RPH3AL: variants seen among roughly 807,000 people sequenced by gnomAD.
RPH3AL encodes the protein rab effector Noc2.
Under a neutral mutation model 43.1 loss-of-function variants are expected in RPH3AL, and 38 were observed. That is an observed-to-expected ratio of 0.88 (90% confidence interval 0.68 to 1.15). The LOEUF (loss-of-function observed/expected upper bound fraction) is 1.15. RPH3AL is among the 50% of genes most tolerant of loss of function. The probability of loss-of-function intolerance (pLI) is 0.00; values close to 1 mark genes in which losing one functional copy is unlikely to be tolerated. For missense variants in RPH3AL, 462 were observed against 423.2 expected, an observed-to-expected ratio of 1.09 and a Z score of -0.81; for synonymous variants, 189 against 176.3, an observed-to-expected ratio of 1.07 and a Z score of -0.57.
chr17:288,671 G>A (rs544425334), intron 5 of RPH3AL, among the ~76,000 whole-genome samples: 26 of 160 alleles, frequency 0.16, 11 homozygotes, highest in Admixed American at 0.7. Flanking sequence ...GTCAGACCTC[G>A]CACCCTCTCT....
At chr17:331,315 G>T in intron 2 of RPH3AL, 3 of 316,572 alleles carry the variant, frequency 9.5e-6, no homozygotes, top group Admixed American at 4.5e-5. Flanking sequence ...CAGAGATCAA[G>T]GGAGACGGAA....
chr17:220,152 C>G (rs1218027416), intron 7 of RPH3AL, among the ~76,000 whole-genome samples: 10 of 152,048 alleles, frequency 6.6e-5, no homozygotes, highest in South Asian at 4.2e-4. Flanking sequence ...AGCTCTGAGG[C>G]CTCCACTCAC....
chr17:268,963 CTG>C, intron 6 of RPH3AL, among the ~76,000 whole-genome samples: 1 of 152,288 alleles, frequency 6.6e-6, no homozygotes, highest in East Asian at 1.9e-4. Context: ...ACCGCAAGCT[CTG>C]CCTCCCGGGT....
intron 6 of RPH3AL, among the ~76,000 whole-genome samples, chr17:273,013 G>A (rs1228869690): frequency 9.0e-5 from 10 of 110,896 alleles, no homozygotes; most frequent in African/African-American, 2.5e-4. Context: ...CAGCGAGGGC[G>A]ACATCAGGAA....
intron 5 of RPH3AL, among the ~76,000 whole-genome samples, chr17:318,481 G>A (rs1391104596): frequency 6.6e-6 from 1 of 152,150 alleles, no homozygotes; most frequent in Non-Finnish European, 1.5e-5. Context: ...ATGGTGTCTT[G>A]AGATCAGTGT....
rs562689101 is a variant in RPH3AL, at chr17:260,051, C to T, written c.439-12766G>A. Among the ~76,000 whole-genome samples, 320 of 152,292 alleles carry T rather than the reference C, an allele frequency of 2.1e-3. 1 individual carries two copies. Among genetic ancestry groups the T allele is most frequent in the Non-Finnish European group, 3.3e-3 (227 of 68,014 alleles). On this transcript the variant is annotated intron_variant, in intron 6 of 9. Transcript: ENST00000331302. ...CATTGTCCACCCCTTCCATGTGTCACTCCCTCTCCCGTGCCACCCTGAGAG... is the reference window on the plus strand; with the variant it reads ...CATTGTCCACCCCTTCCATGTGTCATTCCCTCTCCCGTGCCACCCTGAGAG...
chr17:269,110 C>T (rs1293944350), intron 6 of RPH3AL, among the ~76,000 whole-genome samples: 2 of 152,136 alleles, frequency 1.3e-5, no homozygotes, highest in Non-Finnish European at 2.9e-5. Flanking sequence ...GATCTCCTGA[C>T]CTCATAATCC....
In RPH3AL at chr17:213,051, C is replaced by T. The variant is rs1173546426; in HGVS notation, c.*801G>A. The stretch of plus-strand genomic sequence containing the variant: ...GGCAGATCACTTGAGACCAGGAGTT[C>T]AAGACCAGCCTGGCCAACATGGAGA... On this transcript the variant is annotated 3_prime_UTR_variant, in exon 10 of 10. Transcript: ENST00000331302. 1 of 152,182 alleles carries T rather than the reference C, an allele frequency of 6.6e-6. No individual in the cohort carries two copies. Among genetic ancestry groups the T allele is most frequent in the Non-Finnish European group, 1.5e-5 (1 of 68,116 alleles). 9.4% of individuals were successfully genotyped at this position (152,182 alleles called of 1,614,324 possible).
At chr17:224,964 TG>T (rs1567563600) in intron 7 of RPH3AL, among the ~76,000 whole-genome samples, 3 of 36,450 alleles carry the variant, frequency 8.2e-5, no homozygotes, top group Non-Finnish European at 1.6e-4. Context: ...GGGCCTGTCA[TG>T]GGGTTGGGGG....
chr17:228,197 A>C (rs2041149019), intron 7 of RPH3AL, among the ~76,000 whole-genome samples: 1 of 152,124 alleles, frequency 6.6e-6, no homozygotes, highest in African/African-American at 2.4e-5. Flanking sequence ...ACTTTAGGCC[A>C]GTTTCCTATT....
At chr17:316,810 C>A (rs1363047199) in intron 5 of RPH3AL, among the ~76,000 whole-genome samples, 68 of 4,910 alleles carry the variant, frequency 0.014, no homozygotes, top group Admixed American at 0.022. Context: ...AGTCCCTGTG[C>A]CCCCACCTCC....
In RPH3AL at chr17:215,389, A is replaced by C. The variant is rs969106958; in HGVS notation, c.876+265T>G. 1.2e-4 allele frequency among the ~76,000 whole-genome samples: 18 copies of C among 152,160 alleles called. No homozygotes were observed. Among genetic ancestry groups the C allele is most frequent in the African/African-American group, 4.1e-4 (17 of 41,444 alleles). On this transcript the variant is annotated intron_variant, in intron 9 of 9. Coordinates refer to ENST00000331302, the MANE Select transcript of RPH3AL (RefSeq NM_006987.4). The surrounding 1 kb of genome is among the most constrained non-coding windows in gnomAD (Gnocchi z 4.1). Reference sequence around the variant, plus strand: ...AAAGTTCGCCCCAGGGGAGCCCGACACGTTTTATGTAGCAGAGGATGGTAA... The same window carrying C: ...AAAGTTCGCCCCAGGGGAGCCCGACCCGTTTTATGTAGCAGAGGATGGTAA...
intron 6 of RPH3AL, among the ~76,000 whole-genome samples, chr17:273,288 AGGGTGACGTCAGGGAGAGACCCCAGCG>A (rs1285119145): frequency 8.3e-5 from 8 of 96,500 alleles, no homozygotes; most frequent in Admixed American, 2.2e-4. Flanking sequence ...GACCCCAGCG[AGGGTGACGTCAGGGAGAGACCCCAGCG>A]AGGGTGATGT....
Position 215,655 on chromosome 17 carries a change from G to C in RPH3AL, c.875C>G (p.Pro292Arg). Reference sequence around the variant, plus strand: ...AGAAGGCAGCAGTTGGGTACTCACCGGGGCCCTTCGGGTCAGCCCGGGGCG... The same window carrying C: ...AGAAGGCAGCAGTTGGGTACTCACCCGGGCCCTTCGGGTCAGCCCGGGGCG... ...GPRPGLTRRA[P>R]VKDTPGRAPA... Residue 292 changes from proline to arginine, a missense_variant and splice_region_variant, in exon 9 of 10, where the codon CCG becomes CGG. Coordinates refer to ENST00000331302, the MANE Select transcript of RPH3AL (RefSeq NM_006987.4). This position sits in a 1 kb window ranked among gnomAD's most constrained non-coding sequence, Gnocchi z 4.1. The C allele has an allele frequency of 7.8e-7, 1 of 1,278,528 alleles. No individual in the cohort carries two copies. Among genetic ancestry groups the C allele is most frequent in the Non-Finnish European group, 9.9e-7 (1 of 1,007,892 alleles). The allele number at this position is 1,278,528 out of a possible 1,614,324, so 79.2% of individuals were successfully genotyped here.
intron 5 of RPH3AL, among the ~76,000 whole-genome samples, chr17:318,353 G>T (rs1297532447): frequency 6.6e-6 from 1 of 152,186 alleles, no homozygotes; most frequent in Non-Finnish European, 1.5e-5. Flanking sequence ...TTGCACTCCA[G>T]CCTGGGTGAC....
intron 5 of RPH3AL, among the ~76,000 whole-genome samples, chr17:316,775 T>C (rs927153934): frequency 9.3e-6 from 1 of 107,372 alleles, no homozygotes; most frequent in African/African-American, 4.7e-5. Flanking sequence ...CTGAAGTCCC[T>C]GTGCCCCCAC....
intron 6 of RPH3AL, among the ~76,000 whole-genome samples, chr17:266,513 C>T (rs1298627132): frequency 6.6e-6 from 1 of 152,152 alleles, no homozygotes; most frequent in East Asian, 1.9e-4. Context: ...GAAATCACAC[C>T]CCAGGAAAGA....
intron 5 of RPH3AL, among the ~76,000 whole-genome samples, chr17:302,490 C>T (rs1188183119): frequency 2.0e-5 from 3 of 152,156 alleles, no homozygotes; most frequent in Admixed American, 6.5e-5. Flanking sequence ...TGTCTGTGTG[C>T]GGTGCGGGGA....
intron 6 of RPH3AL, among the ~76,000 whole-genome samples, chr17:251,900 G>T (rs979216979): frequency 6.6e-6 from 1 of 152,174 alleles, no homozygotes; most frequent in Non-Finnish European, 1.5e-5. Flanking sequence ...TGTGAACGGC[G>T]GGGCCCGTGC....
Sources: allele counts gnomAD v4.1 joint callset (sites outside exome capture counted in the v4.1 genomes callset), GRCh38; gene constraint gnomAD v4.1.1; non-coding constraint Gnocchi (gnomAD v3.1); transcripts MANE v1.5; gene names NCBI Gene and HGNC (gene_info 2026-07-23, HGNC 2026-07-21).